ATXN2: variants seen among roughly 807,000 people sequenced by gnomAD.
The protein encoded by ATXN2 is ataxin 2.
Under a neutral mutation model 138.6 loss-of-function variants are expected in ATXN2, and 37 were observed. The ratio of observed to expected loss-of-function variants is 0.27; its 90% confidence interval spans 0.21 to 0.35. The LOEUF (loss-of-function observed/expected upper bound fraction) is 0.35. ATXN2 is among the 10% of genes least tolerant of loss of function. The pLI, the probability that ATXN2 is intolerant of heterozygous loss-of-function variation, is 1.00. For missense variants in ATXN2, 1,216 were observed against 1,480.3 expected (o/e 0.82, Z 2.93); for synonymous variants, 549 against 543.7 (o/e 1.01, Z -0.13).
At chr12:111,597,973 C>T in intron 1 of ATXN2, 1 of 1,220,480 alleles carries the variant, frequency 8.2e-7, no homozygotes, top group Non-Finnish European at 1.0e-6. Context: ...GGATCGGCCA[C>T]CACCCGCGCG....
At chr12:111,556,764 T>C (rs1189827108) in intron 1 of ATXN2, among the ~76,000 whole-genome samples, 2 of 147,728 alleles carry the variant, frequency 1.4e-5, no homozygotes, top group East Asian at 4.0e-4. Flanking sequence ...TGCAGTGAGC[T>C]GAGACCGCCC....
intron 1 of ATXN2, among the ~76,000 whole-genome samples, chr12:111,587,015 G>GT (rs760480925): frequency 3.6e-5 from 5 of 140,506 alleles, no homozygotes; most frequent in Non-Finnish European, 7.6e-5. Flanking sequence ...CAGGAGGACA[G>GT]TTTAAGCCCA....
At chr12:111,498,409 G>A (rs1353458829) in intron 14 of ATXN2, among the ~76,000 whole-genome samples, 2 of 152,080 alleles carry the variant, frequency 1.3e-5, no homozygotes, top group Admixed American at 1.3e-4. Flanking sequence ...CAAAAATCAG[G>A]AGCATTTTTA....
chr12:111,503,061 T>C (rs1274937618), intron 14 of ATXN2, among the ~76,000 whole-genome samples: 1 of 152,082 alleles, frequency 6.6e-6, no homozygotes, highest in Non-Finnish European at 1.5e-5. Context: ...CCAAAACAGA[T>C]CAAATTACTA....
chr12:111,478,965 C>A, intron 18 of ATXN2: 1 of 228,230 alleles, frequency 4.4e-6, no homozygotes. Context: ...GCTGAAATCA[C>A]GCCACTGAAC....
intron 18 of ATXN2, chr12:111,482,879 T>C (rs569477989): frequency 6.6e-6 from 1 of 151,870 alleles, no homozygotes; most frequent in East Asian, 1.9e-4. Flanking sequence ...ATTAAGAGTT[T>C]TAGTTAACAT....
chr12:111,571,814 C>A (rs1403991655), intron 1 of ATXN2, among the ~76,000 whole-genome samples: 2 of 151,066 alleles, frequency 1.3e-5, no homozygotes, highest in Admixed American at 1.3e-4. Context: ...GATCAGGAGA[C>A]CAGCCTGGCC....
chr12:111,557,863 G>C (rs544150024), intron 1 of ATXN2, among the ~76,000 whole-genome samples: 7 of 152,232 alleles, frequency 4.6e-5, no homozygotes, highest in South Asian at 2.1e-4. Context: ...TACTTAGAAC[G>C]ATGATCTGGT....
chr12:111,599,648 G>A, upstream of ATXN2: 2 of 1,084,432 alleles, frequency 1.8e-6, no homozygotes, highest in Non-Finnish European at 1.1e-6. Context: ...TGAGGAGCGG[G>A]CGGCGCGCTG....
At chr12:111,554,242 CTA>C in intron 2 of ATXN2, 25 bp from the exon 3 acceptor site, 1 of 1,084,046 alleles carries the variant, frequency 9.2e-7, no homozygotes, top group Non-Finnish European at 1.3e-6. Flanking sequence ...AAAAAAAAAA[CTA>C]TTAGAAATTA....
chr12:111,589,767 A>G (rs531948650), intron 1 of ATXN2, among the ~76,000 whole-genome samples: 19 of 152,218 alleles, frequency 1.2e-4, no homozygotes, highest in African/African-American at 4.3e-4. Context: ...GTGAAACAAA[A>G]ATTTTGCTGG....
intron 18 of ATXN2, among the ~76,000 whole-genome samples, chr12:111,473,901 C>T (rs958090109): frequency 4.2e-4 from 64 of 152,054 alleles, no homozygotes; most frequent in Admixed American, 2.2e-3. Flanking sequence ...GAAAAAAATA[C>T]AAGACAAGCT....
Position 111,598,222 on chromosome 12 carries a change from G to T in ATXN2, c.251+562C>A. ...ATCTTTCCCAGGACTCGGAGGGGGC[G>T]GGGAGAGAGCCCCGACAGACCCTGA... On this transcript the variant is annotated intron_variant, in intron 1 of 24. Transcript: ENST00000673436. This position sits in a 1 kb window ranked among gnomAD's most constrained non-coding sequence, Gnocchi z 4.5. The T allele has an allele frequency of 9.5e-7, 1 of 1,049,508 alleles. No individual in the cohort carries two copies. The highest frequency in any genetic ancestry group is 1.2e-6 in the Non-Finnish European group (1 of 866,736). 65.0% of individuals were successfully genotyped at this position (1,049,508 alleles called of 1,614,324 possible).
At chr12:111,582,389 G>C (rs1030831716) in intron 1 of ATXN2, among the ~76,000 whole-genome samples, 2 of 151,406 alleles carry the variant, frequency 1.3e-5, no homozygotes, top group African/African-American at 2.4e-5. Context: ...GTTAGAGTGA[G>C]CAGAAATTGC....
At chr12:111,479,197 G>C (rs758201006) in intron 18 of ATXN2, 198 of 343,244 alleles carry the variant, frequency 5.8e-4, no homozygotes, top group South Asian at 4.8e-3. Flanking sequence ...AATGCCCATC[G>C]ACTAGTAATG....
chr12:111,471,673 T>C (rs1336162215), intron 18 of ATXN2: 1 of 152,076 alleles, frequency 6.6e-6, no homozygotes, highest in African/African-American at 2.4e-5. Context: ...GCTAGTTACA[T>C]ATTATTTTAT....
chr12:111,485,154 G>T, intron 18 of ATXN2, 111 bp downstream of exon 18: 1 of 955,140 alleles, frequency 1.0e-6, no homozygotes, highest in Non-Finnish European at 1.6e-6. Context: ...CCAATGCATA[G>T]CCTCATCAAA....
chr12:111,591,874 G>A (rs1253235548), intron 1 of ATXN2, among the ~76,000 whole-genome samples: 1 of 151,968 alleles, frequency 6.6e-6, no homozygotes, highest in South Asian at 2.1e-4. Context: ...TTAAGGTCAG[G>A]AGTTCGAGAT....
Position 111,598,721 on chromosome 12 carries a change from C to A in ATXN2, c.251+63G>T. The A allele has an allele frequency of 9.9e-7, 1 of 1,010,764 alleles. No individual in the cohort carries two copies. The highest frequency in any genetic ancestry group is 1.2e-6 in the Non-Finnish European group (1 of 820,744). The allele number at this position is 1,010,764 out of a possible 1,614,324, so 62.6% of individuals were successfully genotyped here. On this transcript the variant is annotated intron_variant, in intron 1 of 24. Coordinates refer to ENST00000673436, the MANE Select transcript of ATXN2 (RefSeq NM_001372574.1). This position sits in a 1 kb window ranked among gnomAD's most constrained non-coding sequence, Gnocchi z 4.5. ...GCGGGTCACGGGGCGGGGACGGCGG[C>A]GCGGGCCGCGGGGGAGGGGACGCCG...
Sources: allele counts gnomAD v4.1 joint callset (sites outside exome capture counted in the v4.1 genomes callset), GRCh38; gene constraint gnomAD v4.1.1; non-coding constraint Gnocchi (gnomAD v3.1); transcripts MANE v1.5; gene names NCBI Gene and HGNC (gene_info 2026-07-23, HGNC 2026-07-21).